Variants in RTN4R observed in about 807,000 individuals in gnomAD.
RTN4R encodes reticulon-4 receptor.
Under a neutral mutation model 27.7 loss-of-function variants are expected in RTN4R, and 4 were observed. The observed-to-expected ratio is 0.14, with a 90% CI of 0.07 to 0.33. The LOEUF is 0.33. Among genes scored for constraint, RTN4R ranks in the 10% least tolerant of loss-of-function variants. The pLI, the probability that RTN4R is intolerant of heterozygous loss-of-function variation, is 1.00. For missense variants in RTN4R, 554 were observed against 671.5 expected (o/e 0.83, Z 1.93); for synonymous variants, 290 against 305.6 (o/e 0.95, Z 0.53).
chr22:20,264,472 C>T (rs1323656340), intron 1 of RTN4R, among the ~76,000 whole-genome samples: 4 of 152,230 alleles, frequency 2.6e-5, no homozygotes, highest in Non-Finnish European at 5.9e-5. Flanking sequence ...GACCTCCTAT[C>T]CTTTAAAGCA....
rs1303699011 is a variant in RTN4R at position 20,245,072 on chromosome 22, C to T, written c.23-1962G>A. ...TGAACCGAGCCCTGTGCTCATGGAT[C>T]TCCCTCCCGAAGCAGCTGTGTGTCC... On this transcript the variant is annotated intron_variant, in intron 1 of 1. Coordinates refer to ENST00000043402, the MANE Select transcript of RTN4R (RefSeq NM_023004.6). Among the ~76,000 whole-genome samples the T allele has an allele frequency of 3.9e-5, 6 of 152,236 alleles. 1 individual carries two copies. The East Asian group carries it at 1.2e-3, about 29-fold the overall frequency.
chr22:20,251,976 CCATCACCATCACCAT>C (rs1392367632), intron 1 of RTN4R, among the ~76,000 whole-genome samples: 1 of 6,872 alleles, frequency 1.5e-4, no homozygotes, highest in Admixed American at 1.1e-3. Context: ...ATCACTATCA[CCATCACCATCACCAT>C]CATCACCATC....
intron 1 of RTN4R, 24 bp from the exon 2 acceptor site, chr22:20,243,134 T>C (rs749363682): frequency 1.9e-6 from 3 of 1,596,006 alleles, no homozygotes; most frequent in Non-Finnish European, 2.5e-6. Context: ...ACAGAGTGGT[T>C]AGCAGGAAGG....
chr22:20,267,866 C>T (rs1399420236), intron 1 of RTN4R, among the ~76,000 whole-genome samples: 2 of 152,034 alleles, frequency 1.3e-5, no homozygotes, highest in Non-Finnish European at 2.9e-5. Flanking sequence ...GGCAACTTTT[C>T]CTGCCGCCTC....
At chr22:20,258,766 G>T (rs1041657545) in intron 1 of RTN4R, among the ~76,000 whole-genome samples, 1 of 152,194 alleles carries the variant, frequency 6.6e-6, no homozygotes, top group Non-Finnish European at 1.5e-5. Flanking sequence ...TGATCTGGGG[G>T]CCAGGGGATC....
chr22:20,249,997 T>C (rs541826981), intron 1 of RTN4R, among the ~76,000 whole-genome samples: 1 of 152,306 alleles, frequency 6.6e-6, no homozygotes, highest in South Asian at 2.1e-4. Context: ...GGGCAGCAGC[T>C]GGCCCACGGC....
At chr22:20,257,106 T>C (rs1484294968) in intron 1 of RTN4R, among the ~76,000 whole-genome samples, 1 of 152,238 alleles carries the variant, frequency 6.6e-6, no homozygotes, top group Admixed American at 6.5e-5. Context: ...TAAGGGCAAG[T>C]GGCAGGCTTT....
Position 20,242,875 on chromosome 22 carries a change from C to T in RTN4R, c.258G>A (p.Leu86=). 6.2e-7 allele frequency: 1 copy of T among 1,612,736 alleles called. No individual in the cohort carries two copies. Among genetic ancestry groups the T allele is most frequent in the Non-Finnish European group, 8.5e-7 (1 of 1,179,820 alleles). Residue 86 remains leucine (L), a synonymous_variant, in exon 2 of 2, where the codon CTG becomes CTA. Transcript: ENST00000043402. ...SFRACRNLTI[L]WLHSNVLARI... ...GGGCCAGCACATTCGAGTGCAGCCACAGGATGGTGAGGTTGCGGCAGGCAC... is the reference window on the plus strand; with the variant it reads ...GGGCCAGCACATTCGAGTGCAGCCATAGGATGGTGAGGTTGCGGCAGGCAC...
chr22:20,262,015 C>A (rs1245824348), intron 1 of RTN4R, among the ~76,000 whole-genome samples: 2 of 152,218 alleles, frequency 1.3e-5, no homozygotes, highest in Non-Finnish European at 2.9e-5. Context: ...GGGTGGGGAA[C>A]AAGATGGTAG....
chr22:20,242,891 C>A lies in RTN4R; in HGVS notation c.242G>T (p.Arg81Leu), dbSNP rs745997652. The A allele has an allele frequency of 8.1e-6, 13 of 1,612,004 alleles. No homozygotes were observed. Among genetic ancestry groups the A allele is most frequent in the Non-Finnish European group, 1.1e-5 (13 of 1,179,516 alleles). The part of the protein sequence containing the change: ...HVPAASFRAC[R>L]NLTILWLHSN... ...GTGCAGCCACAGGATGGTGAGGTTG[C>A]GGCAGGCACGGAAGCTGGCAGCTGG... The change falls in exon 2 of 2, where the codon CGC becomes CTC. Residue 81 changes from arginine to leucine, a missense_variant. Coordinates refer to ENST00000043402, the MANE Select transcript of RTN4R (RefSeq NM_023004.6).
chr22:20,251,873 T>TCATCCTCATCACCATCATTAC (rs2051182282), intron 1 of RTN4R, among the ~76,000 whole-genome samples: 3 of 36,152 alleles, frequency 8.3e-5, no homozygotes, highest in African/African-American at 2.1e-4. Context: ...CTCATCACCA[T>TCATCCTCATCACCATCATTAC]CATCACTATC....
intron 1 of RTN4R, among the ~76,000 whole-genome samples, chr22:20,248,508 A>C (rs1012219976): frequency 6.6e-6 from 1 of 152,214 alleles, no homozygotes; most frequent in Non-Finnish European, 1.5e-5. Context: ...CCCCAAGGAC[A>C]CATCAACGTG....
rs1178359142 is a variant in RTN4R at position 20,268,067 on chromosome 22, T to C, written c.22+4A>G. The C allele has an allele frequency of 1.7e-6, 2 of 1,169,132 alleles. No individual in the cohort carries two copies. The highest frequency in any genetic ancestry group is 2.1e-6 in the Non-Finnish European group (2 of 946,448). 72.4% of individuals were successfully genotyped at this position (1,169,132 alleles called of 1,614,324 possible). On this transcript the variant is annotated splice_donor_region_variant and intron_variant, in intron 1 of 1. Transcript: ENST00000043402. ...CCGGGCTCGGGTGCAGCGCGGACAC[T>C]CACCTCCAGCGGACGCCCTCTTCAT...
At chr22:20,261,662 G>T (rs1197249326) in intron 1 of RTN4R, among the ~76,000 whole-genome samples, 1 of 152,192 alleles carries the variant, frequency 6.6e-6, no homozygotes, top group African/African-American at 2.4e-5. Flanking sequence ...GGGACAGAAG[G>T]GCACCAGGCA....
At chr22:20,267,309 G>A (rs1173106959) in intron 1 of RTN4R, among the ~76,000 whole-genome samples, 1 of 152,190 alleles carries the variant, frequency 6.6e-6, no homozygotes, top group Non-Finnish European at 1.5e-5. Flanking sequence ...GTGGGCACCT[G>A]GGGAGCACCC....
intron 1 of RTN4R, among the ~76,000 whole-genome samples, chr22:20,257,853 C>T (rs1225539713): frequency 6.6e-6 from 1 of 152,174 alleles, no homozygotes; most frequent in Non-Finnish European, 1.5e-5. Flanking sequence ...CCCCCACACC[C>T]CAGGGTCCCT....
chr22:20,251,778 C>T (rs2051180170), intron 1 of RTN4R, among the ~76,000 whole-genome samples: 1 of 149,060 alleles, frequency 6.7e-6, no homozygotes, highest in Non-Finnish European at 1.5e-5. Context: ...TCACCATCCT[C>T]ATCACCATCA....
At chr22:20,257,048 A>T (rs1373069663) in intron 1 of RTN4R, among the ~76,000 whole-genome samples, 2 of 152,192 alleles carry the variant, frequency 1.3e-5, no homozygotes, top group East Asian at 3.9e-4. Context: ...CGCATACAGG[A>T]GGTGCTCCAT....
chr22:20,247,977 C>A (rs552950392), intron 1 of RTN4R, among the ~76,000 whole-genome samples: 10 of 152,160 alleles, frequency 6.6e-5, no homozygotes, highest in African/African-American at 2.2e-4. Context: ...TCGTCCCTGC[C>A]CCGTGATGCT....
Sources: allele counts gnomAD v4.1 joint callset (sites outside exome capture counted in the v4.1 genomes callset), GRCh38; gene constraint gnomAD v4.1.1; transcripts MANE v1.5; gene names NCBI Gene and HGNC (gene_info 2026-07-23, HGNC 2026-07-21).